FHL2: variants seen among roughly 807,000 people sequenced by gnomAD.
FHL2 encodes four and a half LIM domains 2, also known as four and a half LIM domains protein 2.
In FHL2, 20 loss-of-function variants were observed where a neutral mutation model predicts 32.7. The ratio of observed to expected loss-of-function variants is 0.61; its 90% confidence interval spans 0.43 to 0.89. FHL2 has a LOEUF of 0.89. FHL2 is among the 40% of genes least tolerant of loss of function. The probability of loss-of-function intolerance (pLI) is 0.00; values close to 1 mark genes in which losing one functional copy is unlikely to be tolerated. For missense variants in FHL2, 311 were observed against 358.6 expected (o/e 0.87, Z 1.07); for synonymous variants, 123 against 128.1 (o/e 0.96, Z 0.27).
intron 1 of FHL2, among the ~76,000 whole-genome samples, chr2:105,430,640 C>A: frequency 6.6e-6 from 1 of 152,158 alleles, no homozygotes; most frequent in East Asian, 1.9e-4. Flanking sequence ...TGCACTCCAG[C>A]CTGGGCAACA....
rs1035750581 is a variant in FHL2 at position 105,398,936 on chromosome 2, T to C, written c.-170A>G. The C allele has an allele frequency of 1.3e-6, 2 of 1,536,402 alleles. No individual in the cohort carries two copies. Among genetic ancestry groups the C allele is most frequent in the African/African-American group, 1.4e-5 (1 of 70,038 alleles). On this transcript the variant is annotated 5_prime_UTR_variant, in exon 1 of 7. Transcript: ENST00000530340. The stretch of plus-strand genomic sequence containing the variant: ...GCCCTGGTGGCTAAGCCCCTCGGCC[T>C]CCCTCCGGGGCGCAGGGGGTTGGAG...
chr2:105,394,721 A>G (rs1029801292), intron 2 of FHL2, among the ~76,000 whole-genome samples: 1 of 152,256 alleles, frequency 6.6e-6, no homozygotes, highest in South Asian at 2.1e-4. Flanking sequence ...AAAATTGACT[A>G]TGCTTACCAC....
rs1682335331 is a variant in FHL2 at position 105,386,556 on chromosome 2, G to T, written c.-24-16C>A. 6.2e-7 allele frequency: 1 copy of T among 1,612,874 alleles called. No homozygotes were observed. Among genetic ancestry groups the T allele is most frequent in the Non-Finnish European group, 8.5e-7 (1 of 1,179,676 alleles). ...TTTCAGCAACCTATCAAAAAGAAAA[G>T]AAAATCCAAGTCCCATTAAGCACTC... On this transcript the variant is annotated splice_polypyrimidine_tract_variant and intron_variant, in intron 2 of 6. Coordinates refer to ENST00000530340, the MANE Select transcript of FHL2 (RefSeq NM_001318895.3).
intron 1 of FHL2, among the ~76,000 whole-genome samples, chr2:105,424,164 C>A (rs576176171): frequency 6.6e-6 from 1 of 152,120 alleles, no homozygotes; most frequent in Non-Finnish European, 1.5e-5. Context: ...TCTACAAGAA[C>A]TTAAACAAAT....
At chr2:105,388,556 C>T (rs541246745) in intron 2 of FHL2, among the ~76,000 whole-genome samples, 1 of 152,034 alleles carries the variant, frequency 6.6e-6, no homozygotes, top group Non-Finnish European at 1.5e-5. Flanking sequence ...GGTGCAGTCA[C>T]TCACGCCTGT....
At chr2:105,435,840 T>TAAAC (rs772422982) in intron 1 of FHL2, among the ~76,000 whole-genome samples, 2 of 152,186 alleles carry the variant, frequency 1.3e-5, no homozygotes, top group East Asian at 1.9e-4. Flanking sequence ...AATAAATAAA[T>TAAAC]AAACAAACAA....
intron 5 of FHL2, among the ~76,000 whole-genome samples, chr2:105,364,110 T>G (rs539702274): frequency 1.3e-5 from 2 of 152,070 alleles, no homozygotes; most frequent in African/African-American, 4.8e-5. Context: ...TACAAAAAAT[T>G]AGCTGAGTGT....
chr2:105,416,987 T>C (rs960309750), intron 1 of FHL2, among the ~76,000 whole-genome samples: 10 of 152,352 alleles, frequency 6.6e-5, no homozygotes, highest in Non-Finnish European at 8.8e-5. Context: ...AACTCACGAC[T>C]TGGGCCACTG....
Position 105,410,319 on chromosome 2 carries a change from C to A in FHL2, c.-24-23779G>T, listed in dbSNP as rs144244347. Among the ~76,000 whole-genome samples the A allele has an allele frequency of 2.0e-3, 301 of 152,312 alleles. 1 individual carries two copies. Among genetic ancestry groups the A allele is most frequent in the Middle Eastern group, 6.8e-3 (2 of 294 alleles). ...TCTAGTGGCCTCACTTGCACACCAGCTTTCCCCAAGCAGATAACCCCACAT... is the reference window on the plus strand; with the variant it reads ...TCTAGTGGCCTCACTTGCACACCAGATTTCCCCAAGCAGATAACCCCACAT... On this transcript the variant is annotated intron_variant, in intron 1 of 5. Coordinates refer to the FHL2 transcript ENST00000393352.
intron 5 of FHL2, among the ~76,000 whole-genome samples, chr2:105,367,356 T>A (rs1366852544): frequency 6.6e-6 from 1 of 152,184 alleles, no homozygotes; most frequent in Non-Finnish European, 1.5e-5. Flanking sequence ...TTAAACGATT[T>A]GATCACAGAG....
chr2:105,391,497 A>G (rs780219850), intron 2 of FHL2, among the ~76,000 whole-genome samples: 23 of 152,122 alleles, frequency 1.5e-4, no homozygotes, highest in Non-Finnish European at 2.6e-4. Flanking sequence ...GAGACAGAGT[A>G]GGGTAGGCAG....
intron 1 of FHL2, among the ~76,000 whole-genome samples, chr2:105,404,484 G>A (rs11124031): frequency 0.22 from 33,843 of 152,024 alleles, 4,342 homozygotes; most frequent in East Asian, 0.44. Context: ...AGCTGGATTC[G>A]CTTTTTCTGG....
chr2:105,421,428 C>T (rs1684100833), intron 1 of FHL2, among the ~76,000 whole-genome samples: 1 of 152,154 alleles, frequency 6.6e-6, no homozygotes, highest in Non-Finnish European at 1.5e-5. Context: ...AAGTTAAGAC[C>T]ATAAGCTCAA....
Position 105,373,591 on chromosome 2 carries a change from T to G in FHL2, c.299A>C (p.Lys100Thr). 1 of 1,614,222 alleles carries G rather than the reference T, an allele frequency of 6.2e-7. No individual in the cohort carries two copies. Among genetic ancestry groups the G allele is most frequent in the Non-Finnish European group, 8.5e-7 (1 of 1,180,042 alleles). The change falls in exon 4 of 7, where the codon AAG becomes ACG. Residue 100 changes from lysine to threonine, a missense_variant. Physicochemically the swap from Lys to Thr is moderately conservative, Grantham distance 78. Coordinates refer to ENST00000530340, the MANE Select transcript of FHL2 (RefSeq NM_001318895.3). ...TDCYSNEYSS[K>T]CQECKKTIMP... ...GATGGTCTTCTTGCATTCCTGGCAC[T>G]TGGATGAGTACTCGTTGGAATAGCA...
chr2:105,414,209 T>C (rs535596267), intron 1 of FHL2, among the ~76,000 whole-genome samples: 2 of 152,162 alleles, frequency 1.3e-5, no homozygotes, highest in South Asian at 4.2e-4. Context: ...GGAGCTTCTG[T>C]TTCCTCCTTG....
intron 1 of FHL2, among the ~76,000 whole-genome samples, chr2:105,397,942 A>T (rs756834119): frequency 6.0e-5 from 9 of 149,390 alleles, no homozygotes; most frequent in Non-Finnish European, 1.3e-4. Flanking sequence ...TTTCTTTAAT[A>T]TATTATTATA....
intron 1 of FHL2, among the ~76,000 whole-genome samples, chr2:105,416,618 A>C (rs995933075): frequency 2.0e-5 from 3 of 152,242 alleles, no homozygotes; most frequent in African/African-American, 7.2e-5. Flanking sequence ...AGCTTTAAAC[A>C]GATCTTTAAC....
At chr2:105,433,227 G>A (rs1684490544) in intron 1 of FHL2, among the ~76,000 whole-genome samples, 1 of 149,818 alleles carries the variant, frequency 6.7e-6, no homozygotes, top group Non-Finnish European at 1.5e-5. Context: ...GTCACCCTGG[G>A]TGAAGTGCAG....
At chr2:105,386,606 AT>A (rs1322280672) in intron 2 of FHL2, 66 bp from the exon 3 acceptor site, 1 of 1,403,334 alleles carries the variant, frequency 7.1e-7, no homozygotes, top group East Asian at 2.3e-5. Context: ...ACGCAAAGGC[AT>A]TAACTGTCCC....
Sources: gnomAD v4.1 joint callset for allele counts (sites outside exome capture counted in the v4.1 genomes callset) on GRCh38, gnomAD v4.1.1 for gene constraint, MANE v1.5 for transcripts, NCBI Gene and HGNC (gene_info 2026-07-23, HGNC 2026-07-21) for gene names.